TRIM62: variants seen among roughly 807,000 people sequenced by gnomAD.
TRIM62 encodes tripartite motif containing 62.
In TRIM62, 39 loss-of-function variants were observed where a neutral mutation model predicts 44.2. The observed-to-expected ratio is 0.88, with a 90% confidence interval of 0.68 to 1.15. The LOEUF (loss-of-function observed/expected upper bound fraction) is 1.15, where lower values mean the gene tolerates loss of function less well. Among genes scored for constraint, TRIM62 ranks in the 50% most tolerant of loss-of-function variants. TRIM62 has a pLI of 0.00. For missense variants in TRIM62, 544 were observed against 665.5 expected (o/e 0.82, Z 2.01); for synonymous variants, 278 against 292.3 (o/e 0.95, Z 0.50).
Position 33,181,409 on chromosome 1 carries a change from C to T in TRIM62, c.24G>A (p.Glu8=). MACSLKD[E]LLCSICLSIY... is the part of the protein sequence containing the mutation. ...TGCTCAGGCAGATGGAGCACAGCAG[C>T]TCGTCCTTGAGGCTGCACGCCATGG... is the stretch of plus-strand genomic sequence containing the variant. Residue 8 remains glutamate, a synonymous_variant, in exon 1 of 5, where the codon GAG becomes GAA. Coordinates refer to ENST00000291416, the MANE Select transcript of TRIM62 (RefSeq NM_018207.3). The surrounding 1 kb of genome is among the most constrained non-coding windows in gnomAD (Gnocchi z 6.5). The T allele has an allele frequency of 6.2e-7, 1 of 1,601,520 alleles. No homozygotes were observed. Among genetic ancestry groups the T allele is most frequent in the Non-Finnish European group, 8.5e-7 (1 of 1,176,986 alleles).
chr1:33,146,942 C>T lies in TRIM62; in HGVS notation c.*235G>A. The T allele has an allele frequency of 1.8e-6, 1 of 562,546 alleles. No individual in the cohort carries two copies. 34.8% of individuals were successfully genotyped at this position (562,546 alleles called of 1,614,324 possible). On this transcript the variant is annotated 3_prime_UTR_variant, in exon 5 of 5. Coordinates refer to ENST00000291416, the MANE Select transcript of TRIM62 (RefSeq NM_018207.3). Reference sequence around the variant, plus strand: ...CCCTGAGGAGAAGCCATGTCACATCCTTGGATCAAAGCTGTATCCCTATCA... The same window carrying T: ...CCCTGAGGAGAAGCCATGTCACATCTTTGGATCAAAGCTGTATCCCTATCA...
At position 33,161,421 on chromosome 1, in the gene TRIM62, G is replaced by A. The variant is rs111636651; in HGVS notation, c.505-1477C>T. ...TGTGGGATTCTGGCTGGGAGTTCAT[G>A]GAGTCAGAAACCCCACTGTGTTCAG... On this transcript the variant is annotated intron_variant, in intron 2 of 4. Transcript: ENST00000291416. The surrounding 1 kb of genome is among the most constrained non-coding windows in gnomAD (Gnocchi z 4.3). Among the ~76,000 whole-genome samples, 100 of 152,234 alleles carry A rather than the reference G, an allele frequency of 6.6e-4. 1 individual carries two copies. The highest frequency in any genetic ancestry group is 2.3e-3 in the African/African-American group (95 of 41,542).
Position 33,177,537 on chromosome 1 carries a change from G to C in TRIM62, c.408+3488C>G, listed in dbSNP as rs1392468217. Among the ~76,000 whole-genome samples, 1 of 152,334 alleles carries C rather than the reference G, an allele frequency of 6.6e-6. No homozygotes were observed. The highest frequency in any genetic ancestry group is 1.9e-4 in the East Asian group (1 of 5,184). On this transcript the variant is annotated intron_variant, in intron 1 of 4. Transcript: ENST00000291416. This position sits in a 1 kb window ranked among gnomAD's most constrained non-coding sequence, Gnocchi z 4.1. ...AGTAGGTCAGGGAAGGCTTCACAGA[G>C]GAGGTGATATTTGACCTGAAGTTTT...
At chr1:33,174,011 T>A (rs928248111) in intron 1 of TRIM62, among the ~76,000 whole-genome samples, 2 of 152,048 alleles carry the variant, frequency 1.3e-5, no homozygotes, top group African/African-American at 2.4e-5. Flanking sequence ...AGCCTCTTTT[T>A]AAAAAAAATT....
At position 33,165,447 on chromosome 1, in the gene TRIM62, C is replaced by T; in HGVS notation, c.504+24G>A. ...CCTGCCCTCATCTCTGCCGGCCCCA[C>T]CTCCGCGCCCCGGCCAGGCTCACCT... On this transcript the variant is annotated intron_variant, in intron 2 of 4. Coordinates refer to ENST00000291416, the MANE Select transcript of TRIM62 (RefSeq NM_018207.3). This position sits in a 1 kb window ranked among gnomAD's most constrained non-coding sequence, Gnocchi z 4.0. 1.3e-6 allele frequency: 2 copies of T among 1,561,742 alleles called. No individual in the cohort carries two copies. The highest frequency in any genetic ancestry group is 2.4e-5 in the East Asian group (1 of 42,122).
At chr1:33,176,544 C>G in intron 1 of TRIM62, 1 of 625,102 alleles carries the variant, frequency 1.6e-6, no homozygotes, top group Admixed American at 2.2e-5. Context: ...GGGTTAGGAA[C>G]CTGAGACGGC....
intron 4 of TRIM62, among the ~76,000 whole-genome samples, chr1:33,150,137 T>C (rs1270984971): frequency 2.0e-5 from 3 of 152,220 alleles, no homozygotes; most frequent in Non-Finnish European, 4.4e-5. Flanking sequence ...TGGCTTTCCT[T>C]AGCCTGAATG....
intron 1 of TRIM62, among the ~76,000 whole-genome samples, chr1:33,174,860 G>C (rs1444442218): frequency 7.3e-5 from 11 of 151,316 alleles, no homozygotes. Flanking sequence ...CTGGCCCTCT[G>C]TAGCCATGGC....
rs1439137208 is a variant in TRIM62, at chr1:33,177,183, G to GTAA, written c.408+3839_408+3841dup. On this transcript the variant is annotated intron_variant, in intron 1 of 4. Transcript: ENST00000291416. The surrounding 1 kb of genome is among the most constrained non-coding windows in gnomAD (Gnocchi z 4.1). ...ACATAAAAATCCTTAGAACTGTATA[G>GTAA]TAACTCCTGCCATGTTTCATGGGGT... Among the ~76,000 whole-genome samples the GTAA allele has an allele frequency of 6.6e-6, 1 of 152,142 alleles. No homozygotes were observed. The highest frequency in any genetic ancestry group is 2.4e-5 in the African/African-American group (1 of 41,396).
chr1:33,154,041 G>C (rs1645138306), intron 4 of TRIM62, among the ~76,000 whole-genome samples: 1 of 152,238 alleles, frequency 6.6e-6, no homozygotes, highest in African/African-American at 2.4e-5. Flanking sequence ...GCCAAGGAGA[G>C]TAAGAGTTGG....
chr1:33,167,862 A>G lies in TRIM62; in HGVS notation c.409-2296T>C, dbSNP rs1645342377. On this transcript the variant is annotated intron_variant, in intron 1 of 4. Coordinates refer to ENST00000291416, the MANE Select transcript of TRIM62 (RefSeq NM_018207.3). The surrounding 1 kb of genome is among the most constrained non-coding windows in gnomAD (Gnocchi z 4.2). Reference sequence around the variant, plus strand: ...GGAAACAAAATTATCTTTGATTACTATCAATTATTCATTTAAAAAACATTT... The same window carrying G: ...GGAAACAAAATTATCTTTGATTACTGTCAATTATTCATTTAAAAAACATTT... Among the ~76,000 whole-genome samples, 1 of 152,248 alleles carries G rather than the reference A, an allele frequency of 6.6e-6. No individual in the cohort carries two copies. The highest frequency in any genetic ancestry group is 2.4e-5 in the African/African-American group (1 of 41,470).
chr1:33,158,846 C>CTT (rs568043864), intron 3 of TRIM62, among the ~76,000 whole-genome samples: 5 of 145,574 alleles, frequency 3.4e-5, no homozygotes. Flanking sequence ...TCTTTTTTTT[C>CTT]TTTTTTTTTT....
chr1:33,152,765 G>C (rs923296284), intron 4 of TRIM62, among the ~76,000 whole-genome samples: 1 of 152,300 alleles, frequency 6.6e-6, no homozygotes, highest in Non-Finnish European at 1.5e-5. Flanking sequence ...GGGGCTCTGA[G>C]AGGGGAGTGC....
chr1:33,179,850 T>G (rs1645446828), intron 1 of TRIM62, among the ~76,000 whole-genome samples: 1 of 152,220 alleles, frequency 6.6e-6, no homozygotes, highest in Admixed American at 6.5e-5. Context: ...TAAAATAGAT[T>G]TATTTGCAAC....
intron 4 of TRIM62, 63 bp downstream of exon 4, chr1:33,158,190 G>C (rs372383370): frequency 6.8e-7 from 1 of 1,469,678 alleles, no homozygotes. Context: ...GTTTAGGACA[G>C]GGGGCTGGGC....
At chr1:33,155,817 G>C (rs560887407) in intron 4 of TRIM62, among the ~76,000 whole-genome samples, 5 of 152,172 alleles carry the variant, frequency 3.3e-5, no homozygotes, top group South Asian at 2.1e-4. Context: ...CTGCCCTTGG[G>C]GGGGATCTGT....
In TRIM62 at chr1:33,181,453, G is replaced by A. The variant is rs760431801; in HGVS notation, c.-21C>T. 3 of 1,574,438 alleles carry A rather than the reference G, an allele frequency of 1.9e-6. No individual in the cohort carries two copies. The highest frequency in any genetic ancestry group is 2.3e-5 in the South Asian group (2 of 86,878). ...GCCATGGCGCCAGGGGCAGCAGAGA[G>A]GGGGGCCCGAGGGGCAGGGGGGCGG... On this transcript the variant is annotated 5_prime_UTR_variant, in exon 1 of 5. Transcript: ENST00000291416. This position sits in a 1 kb window ranked among gnomAD's most constrained non-coding sequence, Gnocchi z 6.5.
In TRIM62 at chr1:33,154,652, GCTGGGTGCAGTGGCGTGTGC is replaced by G. The variant is rs1645149595; in HGVS notation, c.877+3581_877+3600del. ...GTCTCTACTAAAAATACAAAAATTA[GCTGGGTGCAGTGGCGTGTGC>G]CTGTAATCCCAGCTACTTGGGAGGC... On this transcript the variant is annotated intron_variant, in intron 4 of 4. Transcript: ENST00000291416. 4.0e-5 allele frequency among the ~76,000 whole-genome samples: 6 copies of G among 149,690 alleles called. No homozygotes were observed. The South Asian group carries it at 1.1e-3, about 26-fold the overall frequency.
chr1:33,151,853 G>T (rs902053336), intron 4 of TRIM62, among the ~76,000 whole-genome samples: 1 of 152,222 alleles, frequency 6.6e-6, no homozygotes, highest in East Asian at 1.9e-4. Flanking sequence ...AGCGGAGAAA[G>T]CCCTCCCGGG....
Sources: gnomAD v4.1 joint callset for allele counts (sites outside exome capture counted in the v4.1 genomes callset) on GRCh38, gnomAD v4.1.1 for gene constraint, Gnocchi (gnomAD v3.1) non-coding constraint, MANE v1.5 for transcripts, NCBI Gene and HGNC (gene_info 2026-07-23, HGNC 2026-07-21) for gene names.